The following ZBTB38 variants were observed in gnomAD, a reference collection of about 807,000 sequenced individuals.
ZBTB38 encodes the protein zinc finger and BTB domain containing 38.
ZBTB38 carries 20 observed loss-of-function variants against 76.8 expected under a neutral mutation model. The ratio of observed to expected loss-of-function variants is 0.26; its 90% CI spans 0.18 to 0.38. ZBTB38 has a LOEUF of 0.38. ZBTB38 is among the 10% of genes least tolerant of loss of function. ZBTB38 has a pLI of 1.00. For missense variants in ZBTB38, 1,082 were observed against 1,482.3 expected, an observed-to-expected ratio of 0.73 and a Z score of 4.43; for synonymous variants, 504 against 544.2, an observed-to-expected ratio of 0.93 and a Z score of 1.03.
intron 1 of ZBTB38, among the ~76,000 whole-genome samples, chr3:141,343,039 A>G (rs929531453): frequency 2.6e-5 from 4 of 152,206 alleles, no homozygotes; most frequent in African/African-American, 9.7e-5. Context: ...GACACTGAAT[A>G]TATCATCAGA....
chr3:141,429,056 A>G (rs1577359411), intron 5 of ZBTB38, among the ~76,000 whole-genome samples: 1 of 152,184 alleles, frequency 6.6e-6, no homozygotes, highest in Non-Finnish European at 1.5e-5. Flanking sequence ...CAGGTGCTTA[A>G]GATATGTCAG....
At chr3:141,349,189 G>A (rs1234099712) in intron 1 of ZBTB38, among the ~76,000 whole-genome samples, 1 of 152,090 alleles carries the variant, frequency 6.6e-6, no homozygotes, top group African/African-American at 2.4e-5. Flanking sequence ...TAAAAATGAG[G>A]TGGCCCCAAA....
Position 141,443,247 on chromosome 3 carries a change from G to A in ZBTB38, c.859G>A (p.Val287Ile), listed in dbSNP as rs200188279. The A allele has an allele frequency of 6.2e-7, 1 of 1,614,206 alleles. No homozygotes were observed. The change falls in exon 6 of 6, where the codon GTA becomes ATA. Residue 287 changes from valine to isoleucine, a missense_variant. Transcript: ENST00000321464. The surrounding 1 kb of genome is among the most constrained non-coding windows in gnomAD (Gnocchi z 5.6). Reference sequence around the variant, plus strand: ...CACAGAAAATATACCACCCCCTCCAGTATCCAACTTAGAGGTTAATCAAGA... The same window carrying A: ...CACAGAAAATATACCACCCCCTCCAATATCCAACTTAGAGGTTAATCAAGA... ...SATENIPPPP[V>I]SNLEVNQERS...
chr3:141,430,077 T>G (rs2150450394), intron 5 of ZBTB38, among the ~76,000 whole-genome samples: 1 of 152,312 alleles, frequency 6.6e-6, no homozygotes, highest in Middle Eastern at 3.4e-3. Context: ...TTTGTTTTGT[T>G]TTTTTGAGAC....
intron 1 of ZBTB38, among the ~76,000 whole-genome samples, chr3:141,334,484 T>TCTTC (rs766500074): frequency 2.7e-5 from 4 of 147,032 alleles, no homozygotes; most frequent in East Asian, 2.0e-4. Flanking sequence ...TTCTTTCCTT[T>TCTTC]CTTCCTTCCT....
intron 4 of ZBTB38, among the ~76,000 whole-genome samples, chr3:141,401,234 TTAA>T (rs1486944462): frequency 6.6e-6 from 1 of 152,214 alleles, no homozygotes; most frequent in Non-Finnish European, 1.5e-5. Flanking sequence ...GAATCATTAC[TTAA>T]TAAATGCAGT....
At chr3:141,354,029 C>T (rs1435863103) in intron 1 of ZBTB38, among the ~76,000 whole-genome samples, 1 of 152,158 alleles carries the variant, frequency 6.6e-6, no homozygotes, top group Non-Finnish European at 1.5e-5. Context: ...CTTGGTTGGA[C>T]TTGTTGATTT....
rs553965356 is a variant in ZBTB38 at position 141,404,351 on chromosome 3, C to T, written c.-1+320C>T. Reference sequence around the variant, plus strand: ...AGGATGCACTGACATTGCTGAGGCCCGGAGAGTTTAAATGACTCTTCAGGG... The same window carrying T: ...AGGATGCACTGACATTGCTGAGGCCTGGAGAGTTTAAATGACTCTTCAGGG... On this transcript the variant is annotated intron_variant, in intron 5 of 5. Transcript: ENST00000321464. 5.3e-5 allele frequency among the ~76,000 whole-genome samples: 8 copies of T among 152,238 alleles called. No homozygotes were observed. The East Asian group carries it at 5.8e-4, about 11-fold the overall frequency.
chr3:141,352,342 G>A (rs976326162), intron 1 of ZBTB38, among the ~76,000 whole-genome samples: 1 of 151,986 alleles, frequency 6.6e-6, no homozygotes, highest in East Asian at 1.9e-4. Context: ...ATATGTCTGT[G>A]TCCTCAAGGT....
intron 4 of ZBTB38, among the ~76,000 whole-genome samples, chr3:141,393,526 T>C (rs949474963): frequency 6.6e-6 from 1 of 151,886 alleles, no homozygotes; most frequent in African/African-American, 2.4e-5. Context: ...AACTACACCA[T>C]GGAAAGATTC....
In ZBTB38 at chr3:141,399,987, CTTTTTTTTTTT is replaced by C. The variant is rs557587979; in HGVS notation, c.-105-3928_-105-3918del. 7.1e-4 allele frequency among the ~76,000 whole-genome samples: 57 copies of C among 80,464 alleles called. 1 individual carries two copies. Among genetic ancestry groups the C allele is most frequent in the African/African-American group, 2.5e-3 (55 of 22,244 alleles). 52.8% of individuals were successfully genotyped at this position (80,464 alleles called of 152,430 possible). On this transcript the variant is annotated intron_variant, in intron 4 of 5. Transcript: ENST00000321464. ...AGAGGAGATAATCTTGAAAGTCTTG[CTTTTTTTTTTT>C]TTTTTTTTTTTGCAAATGTATTGAA... is the stretch of plus-strand genomic sequence containing the variant.
chr3:141,432,361 A>G (rs2150562140), intron 5 of ZBTB38: 1 of 850,290 alleles, frequency 1.2e-6, no homozygotes, highest in African/African-American at 1.8e-5. Flanking sequence ...TTCTGTTGTT[A>G]TTATGTACGT....
chr3:141,420,165 C>T (rs2075039522), intron 5 of ZBTB38, among the ~76,000 whole-genome samples: 3 of 152,004 alleles, frequency 2.0e-5, no homozygotes, highest in African/African-American at 7.2e-5. Flanking sequence ...TGCCTGAATT[C>T]CAGGCAGGGT....
At chr3:141,326,103 A>C (rs963474596) in intron 1 of ZBTB38, among the ~76,000 whole-genome samples, 1 of 152,244 alleles carries the variant, frequency 6.6e-6, no homozygotes, top group Non-Finnish European at 1.5e-5. Flanking sequence ...TTTGGAAAAC[A>C]TGTCAATACC....
chr3:141,432,235 G>C (rs545395975), intron 5 of ZBTB38: 36 of 985,340 alleles, frequency 3.7e-5, no homozygotes, highest in South Asian at 4.7e-5. Flanking sequence ...GACTTTTGCA[G>C]GATTCCAGGT....
intron 2 of ZBTB38, 119 bp downstream of exon 2, chr3:141,370,065 T>C (rs566657332): frequency 6.6e-6 from 1 of 152,310 alleles, no homozygotes; most frequent in South Asian, 2.1e-4. Flanking sequence ...TACACAATGA[T>C]TACAGCTATA....
Position 141,336,786 on chromosome 3 carries a change from C to T in ZBTB38, c.-739+12330C>T, listed in dbSNP as rs144105886. On this transcript the variant is annotated intron_variant, in intron 1 of 7. Coordinates refer to the ZBTB38 transcript ENST00000509842. Reference sequence around the variant, plus strand: ...CCCACATGGTAGGACATTTAGCATCCCCCGTCCCTGGGGAACTAAATGCCA... The same window carrying T: ...CCCACATGGTAGGACATTTAGCATCTCCCGTCCCTGGGGAACTAAATGCCA... 4.4e-3 allele frequency among the ~76,000 whole-genome samples: 665 copies of T among 152,288 alleles called. 6 individuals are homozygous for T. Among genetic ancestry groups the T allele is most frequent in the African/African-American group, 0.015 (623 of 41,556 alleles).
intron 3 of ZBTB38, among the ~76,000 whole-genome samples, chr3:141,385,649 A>AGTGT (rs10617390): frequency 0.081 from 11,955 of 147,074 alleles, 929 homozygotes; most frequent in African/African-American, 0.19. Context: ...TCGAGCTTTG[A>AGTGT]GTGTGTGTGT....
At chr3:141,351,065 G>A (rs1274078680) in intron 1 of ZBTB38, among the ~76,000 whole-genome samples, 2 of 152,126 alleles carry the variant, frequency 1.3e-5, no homozygotes, top group South Asian at 2.1e-4. Flanking sequence ...TAAAACGTGG[G>A]TTGCTAAACT....
Sources: gnomAD v4.1 joint callset for allele counts (sites outside exome capture counted in the v4.1 genomes callset) on GRCh38, gnomAD v4.1.1 for gene constraint, Gnocchi (gnomAD v3.1) non-coding constraint, MANE v1.5 for transcripts, NCBI Gene and HGNC (gene_info 2026-07-23, HGNC 2026-07-21) for gene names.